The following TUBA1C variants were observed in gnomAD, a reference collection of about 807,000 sequenced individuals.
TUBA1C encodes tubulin alpha-1C chain.
TUBA1C carries 16 observed loss-of-function variants against 34.9 expected under a neutral mutation model. The ratio of observed to expected loss-of-function variants is 0.46; its 90% CI spans 0.31 to 0.70. TUBA1C has a LOEUF of 0.70. TUBA1C is among the 30% of genes least tolerant of loss of function. The pLI is 0.05. For synonymous variants in TUBA1C, 177 were observed against 215.9 expected, an observed-to-expected ratio of 0.82 and a Z score of 1.58; for missense variants, 329 against 587.3, an observed-to-expected ratio of 0.56 and a Z score of 4.55.
chr12:49,236,609 CAT>C (rs1942557938), intron 1 of TUBA1C, among the ~76,000 whole-genome samples: 1 of 152,176 alleles, frequency 6.6e-6, no homozygotes, highest in Non-Finnish European at 1.5e-5. Context: ...CCATATAAGT[CAT>C]GTGTCATTTA....
At chr12:49,234,966 C>T (rs548188105) in intron 1 of TUBA1C, among the ~76,000 whole-genome samples, 15 of 152,088 alleles carry the variant, frequency 9.9e-5, no homozygotes, top group African/African-American at 2.9e-4. Flanking sequence ...TACAGGCACC[C>T]GCCACCACGC....
intron 1 of TUBA1C, among the ~76,000 whole-genome samples, chr12:49,235,173 CA>C (rs1234972540): frequency 6.6e-6 from 1 of 151,434 alleles, no homozygotes; most frequent in Admixed American, 6.6e-5. Context: ...TTAGACATCT[CA>C]AATGCATTGC....
At chr12:49,265,452 G>C (rs574058215) in intron 1 of TUBA1C, among the ~76,000 whole-genome samples, 1 of 152,338 alleles carries the variant, frequency 6.6e-6, no homozygotes, top group South Asian at 2.1e-4. Context: ...CGCAGGGCCC[G>C]CTACTGCCCT....
chr12:49,232,149 G>A (rs1942504680), intron 1 of TUBA1C, among the ~76,000 whole-genome samples: 1 of 152,150 alleles, frequency 6.6e-6, no homozygotes, highest in Non-Finnish European at 1.5e-5. Context: ...CAACAGGAGT[G>A]GATATTTAGC....
At chr12:49,247,896 C>T (rs1045911768) in intron 1 of TUBA1C, among the ~76,000 whole-genome samples, 9 of 146,986 alleles carry the variant, frequency 6.1e-5, no homozygotes, top group East Asian at 2.0e-4. Context: ...TGCAGTGAGC[C>T]GAGATCCTGA....
chr12:49,264,473 G>A (rs992241979), upstream of TUBA1C, among the ~76,000 whole-genome samples: 1 of 152,122 alleles, frequency 6.6e-6, no homozygotes, highest in African/African-American at 2.4e-5. Context: ...GCGGCGAGGG[G>A]AGCGGGCGCC....
At chr12:49,248,638 C>T (rs1250965052) in intron 1 of TUBA1C, among the ~76,000 whole-genome samples, 4 of 150,882 alleles carry the variant, frequency 2.7e-5, no homozygotes, top group Admixed American at 6.6e-5. Context: ...CCGAGGCGGG[C>T]GGATCACGAG....
chr12:49,250,478 C>A (rs61942251), intron 1 of TUBA1C, among the ~76,000 whole-genome samples: 1 of 146,968 alleles, frequency 6.8e-6, no homozygotes, highest in Non-Finnish European at 1.5e-5. Context: ...GAGCCGAGAT[C>A]GCGCCACTGC....
intron 1 of TUBA1C, among the ~76,000 whole-genome samples, chr12:49,245,668 C>T (rs1183887095): frequency 6.6e-6 from 1 of 152,124 alleles, no homozygotes; most frequent in Non-Finnish European, 1.5e-5. Flanking sequence ...TGCCTGGGGA[C>T]ACTCCCATTC....
chr12:49,234,502 G>A (rs1239191906), intron 1 of TUBA1C, among the ~76,000 whole-genome samples: 1 of 152,230 alleles, frequency 6.6e-6, no homozygotes, highest in Non-Finnish European at 1.5e-5. Flanking sequence ...TCCTTGGTTA[G>A]TACGGTGACG....
intron 1 of TUBA1C, among the ~76,000 whole-genome samples, chr12:49,255,846 G>A (rs187209251): frequency 1.4e-3 from 216 of 152,332 alleles, no homozygotes; most frequent in African/African-American, 4.7e-3. Flanking sequence ...GATTACAGGC[G>A]TGAGCCACCA....
At chr12:49,253,591 G>GCCCACTCT (rs1942752335) in intron 1 of TUBA1C, among the ~76,000 whole-genome samples, 1 of 152,134 alleles carries the variant, frequency 6.6e-6, no homozygotes, top group African/African-American at 2.4e-5. Context: ...CTGGAGTGCA[G>GCCCACTCT]TGGCACCAAC....
intron 1 of TUBA1C, among the ~76,000 whole-genome samples, chr12:49,228,923 C>T (rs2136981784): frequency 6.6e-6 from 1 of 152,246 alleles, no homozygotes; most frequent in African/African-American, 2.4e-5. Flanking sequence ...AGAAACCAGC[C>T]CAAGGTTACA....
upstream of TUBA1C, among the ~76,000 whole-genome samples, chr12:49,262,905 G>A (rs1005280906): frequency 6.6e-6 from 1 of 151,856 alleles, no homozygotes; most frequent in Non-Finnish European, 1.5e-5. Context: ...TTAACATAAA[G>A]GTTAAATGTT....
chr12:49,249,111 C>A (rs1942706591), intron 1 of TUBA1C, among the ~76,000 whole-genome samples: 1 of 151,798 alleles, frequency 6.6e-6, no homozygotes, highest in South Asian at 2.1e-4. Flanking sequence ...GGTCTCAAAT[C>A]AAATTAAGCT....
rs527927416 is a variant in TUBA1C, at chr12:49,268,402, AT to A, written c.4-1049del. Among the ~76,000 whole-genome samples the A allele has an allele frequency of 9.7e-3, 1,388 of 142,942 alleles. 6 individuals are homozygous for A. Among genetic ancestry groups the A allele is most frequent in the South Asian group, 0.017 (78 of 4,490 alleles). 93.8% of individuals were successfully genotyped at this position (142,942 alleles called of 152,430 possible). A position where few individuals can be genotyped will look rare whatever the true frequency, so the allele number is the denominator to read the frequency against. The stretch of plus-strand genomic sequence containing the variant: ...GCATGAGCCACTGTGCTCTACCATA[AT>A]TTTTTTTTTTTTTGTATTTTTAATA... On this transcript the variant is annotated intron_variant, in intron 1 of 3. Coordinates refer to ENST00000301072, the MANE Select transcript of TUBA1C (RefSeq NM_032704.5).
At chr12:49,228,268 A>G in intron 1 of TUBA1C, 1 of 1,136,622 alleles carries the variant, frequency 8.8e-7, no homozygotes, top group South Asian at 1.6e-5. Context: ...GCTCCTATTT[A>G]TTGTTTCATG....
chr12:49,273,386 G>T lies in TUBA1C; in HGVS notation c.*159G>T. 1 of 1,385,904 alleles carries T rather than the reference G, an allele frequency of 7.2e-7. No homozygotes were observed. Among genetic ancestry groups the T allele is most frequent in the Non-Finnish European group, 9.8e-7 (1 of 1,015,352 alleles). 85.9% of individuals were successfully genotyped at this position (1,385,904 alleles called of 1,614,324 possible). ...CAGTTAAAGTTGGATGTATGAGGCT[G>T]GTAGATGAAACCACCTGAGTCGAGG... On this transcript the variant is annotated 3_prime_UTR_variant, in exon 4 of 4. Transcript: ENST00000301072.
intron 1 of TUBA1C, among the ~76,000 whole-genome samples, chr12:49,256,161 C>CCT (rs1942782681): frequency 6.6e-6 from 1 of 152,228 alleles, no homozygotes; most frequent in African/African-American, 2.4e-5. Context: ...GTTAGGCCCT[C>CCT]CTGGCCTTGA....
Sources: gnomAD v4.1 joint callset for allele counts (sites outside exome capture counted in the v4.1 genomes callset) on GRCh38, gnomAD v4.1.1 for gene constraint, MANE v1.5 for transcripts, NCBI Gene and HGNC (gene_info 2026-07-23, HGNC 2026-07-21) for gene names.